Variants in DPP6 observed in about 807,000 individuals in gnomAD.
DPP6 encodes dipeptidyl peptidase like 6.
A neutral mutation model predicts 122.6 loss-of-function variants in DPP6; 69 were observed. That is an observed-to-expected ratio of 0.56 (90% CI 0.46 to 0.69). The LOEUF (loss-of-function observed/expected upper bound fraction) is 0.69. Ranked by LOEUF, DPP6 falls within the 30% of genes least tolerant of loss-of-function variation. DPP6 has a pLI of 0.00. For synonymous variants in DPP6, 418 were observed against 433.1 expected (o/e 0.97, Z 0.43); for missense variants, 928 against 1,116.9 (o/e 0.83, Z 2.41).
intron 5 of DPP6, among the ~76,000 whole-genome samples, chr7:154,579,139 A>G (rs1831876880): frequency 6.6e-6 from 1 of 152,166 alleles, no homozygotes; most frequent in African/African-American, 2.4e-5. Context: ...ACCTGAGGTC[A>G]GGAGTTCGAG....
At chr7:154,426,834 G>A (rs557818853) in intron 1 of DPP6, among the ~76,000 whole-genome samples, 148 of 144,108 alleles carry the variant, frequency 1.0e-3, no homozygotes, top group South Asian at 2.4e-3. Context: ...AAAAAAAACT[G>A]AGCCATAAAT....
intron 3 of DPP6, among the ~76,000 whole-genome samples, chr7:154,503,398 C>T (rs1033513258): frequency 6.6e-6 from 1 of 152,130 alleles, no homozygotes; most frequent in African/African-American, 2.4e-5. Context: ...TGATTGCTGC[C>T]TCTCAGCCAT....
chr7:153,963,074 C>G (rs1245453893), intron 1 of DPP6, among the ~76,000 whole-genome samples: 2 of 152,090 alleles, frequency 1.3e-5, no homozygotes, highest in African/African-American at 4.8e-5. Flanking sequence ...ATTAAAGACC[C>G]CTGAGCTAAG....
At chr7:153,897,932 C>A (rs370664905) in intron 1 of DPP6, among the ~76,000 whole-genome samples, 1 of 151,912 alleles carries the variant, frequency 6.6e-6, no homozygotes, top group Non-Finnish European at 1.5e-5. Flanking sequence ...CATTCTGGAC[C>A]GAAAAAGTAG....
chr7:154,142,070 T>A (rs1035696136), intron 1 of DPP6, among the ~76,000 whole-genome samples: 3 of 152,216 alleles, frequency 2.0e-5, no homozygotes, highest in African/African-American at 7.2e-5. Flanking sequence ...ATACACTTTC[T>A]ATTTGTGCTT....
intron 3 of DPP6, among the ~76,000 whole-genome samples, chr7:154,488,683 G>A (rs547162239): frequency 7.2e-5 from 11 of 151,882 alleles, no homozygotes; most frequent in Non-Finnish European, 1.0e-4. Flanking sequence ...AAAGACAGGC[G>A]AGGCCATCGT....
chr7:154,684,719 T>C (rs1021063097), intron 7 of DPP6, among the ~76,000 whole-genome samples: 5 of 152,200 alleles, frequency 3.3e-5, no homozygotes, highest in Non-Finnish European at 7.3e-5. Flanking sequence ...AGGTTATGAT[T>C]GCACGTACAT....
chr7:153,823,423 G>T, the DPP6 span, among the ~76,000 whole-genome samples: 1 of 145,030 alleles, frequency 6.9e-6, no homozygotes, highest in Non-Finnish European at 1.5e-5. Context: ...AGTCAGGGGT[G>T]CGAGCTCTAA....
intron 16 of DPP6, among the ~76,000 whole-genome samples, chr7:154,817,245 G>A (rs1246860585): frequency 6.6e-6 from 1 of 152,194 alleles, no homozygotes; most frequent in Non-Finnish European, 1.5e-5. Context: ...TTGTTGGGAA[G>A]GCACTGGCTG....
intron 3 of DPP6, among the ~76,000 whole-genome samples, chr7:154,539,606 A>G (rs1828552377): frequency 6.6e-6 from 1 of 152,066 alleles, no homozygotes; most frequent in South Asian, 2.1e-4. Context: ...TGTTGTGCAC[A>G]TGTACCCTAG....
intron 5 of DPP6, among the ~76,000 whole-genome samples, chr7:154,576,622 G>T (rs1016403484): frequency 1.3e-5 from 2 of 152,116 alleles, no homozygotes; most frequent in Non-Finnish European, 2.9e-5. Flanking sequence ...GTGGAGGAGT[G>T]GGCCAGTTTG....
the DPP6 span, among the ~76,000 whole-genome samples, chr7:153,850,058 T>C: frequency 6.6e-6 from 1 of 152,214 alleles, no homozygotes; most frequent in Non-Finnish European, 1.5e-5. Context: ...TTTTTCACTT[T>C]TATATTATTA....
At chr7:154,305,066 GCCCCAGCCCCAGCCCCAGCCC>G (rs1388087819) in intron 1 of DPP6, 3 of 56,538 alleles carry the variant, frequency 5.3e-5, no homozygotes, top group Middle Eastern at 6.8e-3. Context: ...CCCAGCCCCA[GCCCCAGCCCCAGCCCCAGCCC>G]GGCTGAGCGG....
At chr7:154,090,549 A>G (rs1804732336) in intron 1 of DPP6, among the ~76,000 whole-genome samples, 1 of 152,212 alleles carries the variant, frequency 6.6e-6, no homozygotes, top group Admixed American at 6.5e-5. Context: ...CCCCTTGTGT[A>G]TCAAAAAGTA....
At chr7:154,668,251 C>T (rs56086544) in intron 6 of DPP6, among the ~76,000 whole-genome samples, 1,965 of 71,532 alleles carry the variant, frequency 0.027, 56 homozygotes, top group African/African-American at 0.068. Flanking sequence ...GACAGAGTTT[C>T]GCTCTGTCAC....
intron 6 of DPP6, among the ~76,000 whole-genome samples, chr7:154,646,801 G>T (rs887411727): frequency 2.0e-5 from 3 of 152,136 alleles, no homozygotes; most frequent in Non-Finnish European, 4.4e-5. Context: ...GGCGAAAGAG[G>T]CTGCACCAAC....
At chr7:154,427,727 T>C (rs1818029277) in intron 1 of DPP6, among the ~76,000 whole-genome samples, 1 of 152,246 alleles carries the variant, frequency 6.6e-6, no homozygotes, top group Non-Finnish European at 1.5e-5. Context: ...ATTTGCAAGC[T>C]GTTCATGGAA....
chr7:154,359,595 G>A (rs539635344), intron 1 of DPP6, among the ~76,000 whole-genome samples: 1 of 152,284 alleles, frequency 6.6e-6, no homozygotes, highest in Admixed American at 6.5e-5. Flanking sequence ...CCAGAGAGCA[G>A]GAGGTCTTGT....
At chr7:154,064,161 C>T (rs7806542) in intron 1 of DPP6, among the ~76,000 whole-genome samples, 8,788 of 152,158 alleles carry the variant, frequency 0.058, 827 homozygotes, top group African/African-American at 0.2. Context: ...TACCCCCATA[C>T]ACCTCTGTCC....
Sources: allele counts gnomAD v4.1 joint callset (sites outside exome capture counted in the v4.1 genomes callset), GRCh38; gene constraint gnomAD v4.1.1; transcripts MANE v1.5; gene names NCBI Gene and HGNC (gene_info 2026-07-23, HGNC 2026-07-21).